Variants in IFT81 observed in about 807,000 individuals in gnomAD.
The protein encoded by IFT81 is intraflagellar transport 81.
In IFT81, 72 loss-of-function variants were observed where a neutral mutation model predicts 102.6. The ratio of observed to expected loss-of-function variants is 0.70; its 90% confidence interval spans 0.58 to 0.85. The LOEUF (loss-of-function observed/expected upper bound fraction) is 0.85. IFT81 is among the 40% of genes least tolerant of loss of function. The pLI is 0.00. For synonymous variants in IFT81, 237 were observed against 242.7 expected, an observed-to-expected ratio of 0.98 and a Z score of 0.22; for missense variants, 723 against 787.3, an observed-to-expected ratio of 0.92 and a Z score of 0.98.
Position 110,129,148 on chromosome 12 carries a change from GGTAC to G in IFT81, c.429+19_429+22del. 6.5e-7 allele frequency: 1 copy of G among 1,535,688 alleles called. No homozygotes were observed. On this transcript the variant is annotated intron_variant, in intron 4 of 18. Coordinates refer to ENST00000242591, the MANE Select transcript of IFT81 (RefSeq NM_014055.4). ...ATAAACAGGTAAACAATACATAAAT[GGTAC>G]ATTGAAACTGTAATGGATTTCAAGG...
At chr12:110,130,364 T>TG (rs1894089424) in intron 4 of IFT81, among the ~76,000 whole-genome samples, 1 of 139,496 alleles carries the variant, frequency 7.2e-6, no homozygotes, top group South Asian at 2.2e-4. Flanking sequence ...GTTGATTAAG[T>TG]CTTTTTTTTT....
intron 11 of IFT81, among the ~76,000 whole-genome samples, chr12:110,169,655 C>T (rs1223724338): frequency 6.6e-6 from 1 of 152,248 alleles, no homozygotes; most frequent in Non-Finnish European, 1.5e-5. Context: ...CTCCGCCTCC[C>T]GGGTTCAAGC....
intron 10 of IFT81, 87 bp downstream of exon 10, chr12:110,147,135 A>G (rs1389528403): frequency 1.0e-6 from 1 of 977,156 alleles, no homozygotes; most frequent in Non-Finnish European, 1.5e-6. Flanking sequence ...TTAAAGTGAG[A>G]AGGAAGTAGA....
chr12:110,140,639 A>T (rs1392376779), intron 8 of IFT81, among the ~76,000 whole-genome samples: 6 of 152,214 alleles, frequency 3.9e-5, no homozygotes, highest in Non-Finnish European at 8.8e-5. Flanking sequence ...CAGACAAAGA[A>T]GTCAGGATGT....
At chr12:110,125,119 A>G (rs1256835714) in intron 1 of IFT81, among the ~76,000 whole-genome samples, 1 of 152,132 alleles carries the variant, frequency 6.6e-6, no homozygotes, top group Non-Finnish European at 1.5e-5. Context: ...ACCTATAGAT[A>G]ATTTCTAAAT....
intron 8 of IFT81, among the ~76,000 whole-genome samples, chr12:110,140,633 CAAA>C (rs1593289891): frequency 2.0e-5 from 3 of 152,116 alleles, no homozygotes; most frequent in African/African-American, 4.8e-5. Flanking sequence ...ATCTAACAGA[CAAA>C]GAAGTCAGGA....
intron 17 of IFT81, among the ~76,000 whole-genome samples, chr12:110,207,261 T>C (rs1456851151): frequency 1.3e-5 from 2 of 152,168 alleles, no homozygotes; most frequent in South Asian, 2.1e-4. Context: ...GGTTTCACCA[T>C]GTTAGCCAGG....
chr12:110,177,253 T>C (rs1374471929), intron 11 of IFT81, among the ~76,000 whole-genome samples: 2 of 152,200 alleles, frequency 1.3e-5, no homozygotes, highest in Non-Finnish European at 2.9e-5. Context: ...TCCTCAGTTC[T>C]TTCAAAGTTT....
At chr12:110,167,199 T>C (rs1328670269) in intron 11 of IFT81, among the ~76,000 whole-genome samples, 1 of 152,184 alleles carries the variant, frequency 6.6e-6, no homozygotes, top group Non-Finnish European at 1.5e-5. Flanking sequence ...GTTTTCCTTA[T>C]TAGTAAAAGA....
intron 8 of IFT81, among the ~76,000 whole-genome samples, chr12:110,143,019 T>G (rs1894991180): frequency 6.6e-6 from 1 of 152,172 alleles, no homozygotes; most frequent in Non-Finnish European, 1.5e-5. Flanking sequence ...GTGTTATCAT[T>G]TGGTTCATGG....
chr12:110,209,857 G>C (rs546734146), intron 18 of IFT81, among the ~76,000 whole-genome samples: 5 of 151,094 alleles, frequency 3.3e-5, no homozygotes, highest in African/African-American at 1.2e-4. Flanking sequence ...TAAACACAAA[G>C]TTCTAAGCCC....
chr12:110,181,629 G>A (rs949835934), intron 12 of IFT81, among the ~76,000 whole-genome samples: 1 of 152,184 alleles, frequency 6.6e-6, no homozygotes, highest in African/African-American at 2.4e-5. Context: ...CAGTCAGTAT[G>A]TTAGCCATGA....
chr12:110,186,021 T>A (rs1320118861), intron 12 of IFT81, among the ~76,000 whole-genome samples: 1 of 152,234 alleles, frequency 6.6e-6, no homozygotes, highest in Non-Finnish European at 1.5e-5. Flanking sequence ...GGTATCTGTC[T>A]AATGAGCTCA....
intron 11 of IFT81, among the ~76,000 whole-genome samples, chr12:110,165,687 C>T (rs952298069): frequency 1.1e-4 from 16 of 152,110 alleles, no homozygotes; most frequent in Admixed American, 9.8e-4. Flanking sequence ...GAGTGATGCT[C>T]GAGGAGATTG....
intron 10 of IFT81, among the ~76,000 whole-genome samples, chr12:110,160,063 C>T (rs1283088501): frequency 1.3e-5 from 2 of 152,110 alleles, no homozygotes; most frequent in Non-Finnish European, 2.9e-5. Flanking sequence ...CTCAGAATCT[C>T]GCCTCCTCAA....
intron 11 of IFT81, among the ~76,000 whole-genome samples, chr12:110,179,713 C>G (rs974743878): frequency 1.6e-5 from 2 of 124,964 alleles, no homozygotes; most frequent in African/African-American, 5.7e-5. Flanking sequence ...AGAGCAAACC[C>G]TATCTCGAAA....
intron 7 of IFT81, 113 bp downstream of exon 7, chr12:110,135,550 A>G: frequency 8.0e-6 from 5 of 625,478 alleles, no homozygotes; most frequent in Non-Finnish European, 1.1e-5. Flanking sequence ...TTTTGCTAAC[A>G]TAATGGAATA....
chr12:110,216,398 T>A (rs905485910), intron 18 of IFT81: 1 of 413,210 alleles, frequency 2.4e-6, no homozygotes, highest in African/African-American at 2.1e-5. Flanking sequence ...GAGTATCATG[T>A]TACCCAGGCA....
At chr12:110,177,657 A>G (rs1436586212) in intron 11 of IFT81, among the ~76,000 whole-genome samples, 3 of 152,238 alleles carry the variant, frequency 2.0e-5, no homozygotes, top group Admixed American at 2.0e-4. Context: ...TAACGTGAAG[A>G]ATTTTTAATC....
Sources: allele counts gnomAD v4.1 joint callset (sites outside exome capture counted in the v4.1 genomes callset), GRCh38; gene constraint gnomAD v4.1.1; transcripts MANE v1.5; gene names NCBI Gene and HGNC (gene_info 2026-07-23, HGNC 2026-07-21).